GRIA4: variants seen among roughly 807,000 people sequenced by gnomAD.
GRIA4 encodes the protein glutamate ionotropic receptor AMPA type subunit 4.
Under a neutral mutation model 104.0 loss-of-function variants are expected in GRIA4, and 34 were observed. The observed-to-expected ratio is 0.33, with a 90% CI of 0.25 to 0.44. The LOEUF (loss-of-function observed/expected upper bound fraction) is 0.44. Ranked by LOEUF, GRIA4 falls within the 20% of genes least tolerant of loss-of-function variation. GRIA4 has a pLI of 1.00. For synonymous variants in GRIA4, 386 were observed against 381.9 expected, an observed-to-expected ratio of 1.01 and a Z score of -0.13; for missense variants, 750 against 1,096.5, an observed-to-expected ratio of 0.68 and a Z score of 4.46.
chr11:105,725,770 C>A (rs1257828903), intron 3 of GRIA4, among the ~76,000 whole-genome samples: 1 of 152,104 alleles, frequency 6.6e-6, no homozygotes, highest in Non-Finnish European at 1.5e-5. Flanking sequence ...TGAGGCATCA[C>A]CTCACCCGGG....
intron 4 of GRIA4, among the ~76,000 whole-genome samples, chr11:105,776,416 GA>G (rs1941452921): frequency 6.6e-6 from 1 of 151,978 alleles, no homozygotes; most frequent in Admixed American, 6.6e-5. Context: ...TTATTAAGAA[GA>G]AAAAATAGAA....
intron 10 of GRIA4, among the ~76,000 whole-genome samples, chr11:105,910,856 T>C (rs973847512): frequency 4.6e-5 from 7 of 152,258 alleles, no homozygotes; most frequent in Admixed American, 2.0e-4. Context: ...ACAGTGAACA[T>C]GCCAAAGGTC....
chr11:105,778,081 A>ACCC (rs1941533494), intron 4 of GRIA4, among the ~76,000 whole-genome samples: 1 of 152,152 alleles, frequency 6.6e-6, no homozygotes, highest in Non-Finnish European at 1.5e-5. Flanking sequence ...CTGAGATTAA[A>ACCC]CCAAACTGAA....
At chr11:105,974,631 T>C (rs888608519) in intron 16 of GRIA4, 187 bp downstream of exon 16, 2 of 1,399,962 alleles carry the variant, frequency 1.4e-6, no homozygotes, top group South Asian at 2.6e-5. Context: ...GTCTGTCCAG[T>C]GGTGGTATTG....
In GRIA4 at chr11:105,804,023, G is replaced by C. The variant is rs957329603; in HGVS notation, c.487+50803G>C. On this transcript the variant is annotated intron_variant, in intron 4 of 16. Transcript: ENST00000282499. ...GGAATTTGGGCATAGAAAATTAACA[G>C]ACCTGTTCATTTGCTATATATGATT... Among the ~76,000 whole-genome samples the C allele has an allele frequency of 2.6e-5, 4 of 151,754 alleles. No individual in the cohort carries two copies. The South Asian group carries it at 8.3e-4, about 31-fold the overall frequency.
chr11:105,613,748 C>T (rs955597625), intron 3 of GRIA4: 1 of 151,974 alleles, frequency 6.6e-6, no homozygotes, highest in East Asian at 1.9e-4. Context: ...AACTTAGTTT[C>T]ATGAGGAGCT....
intron 4 of GRIA4, among the ~76,000 whole-genome samples, chr11:105,851,110 T>C (rs1944792367): frequency 1.3e-5 from 2 of 152,272 alleles, no homozygotes; most frequent in East Asian, 3.9e-4. Flanking sequence ...TAATACAATA[T>C]TAAAGGTCAT....
intron 4 of GRIA4, among the ~76,000 whole-genome samples, chr11:105,798,803 A>G (rs1942599274): frequency 6.6e-6 from 1 of 152,158 alleles, no homozygotes; most frequent in Admixed American, 6.6e-5. Context: ...CAGAATTGTC[A>G]TTACTGAAAT....
intron 4 of GRIA4, among the ~76,000 whole-genome samples, chr11:105,853,844 G>A (rs1944910045): frequency 6.6e-6 from 1 of 152,124 alleles, no homozygotes; most frequent in South Asian, 2.1e-4. Context: ...ATTAATTTCA[G>A]TAGTCTCCTA....
chr11:105,781,233 A>C (rs191042053), intron 4 of GRIA4, among the ~76,000 whole-genome samples: 1 of 152,234 alleles, frequency 6.6e-6, no homozygotes, highest in African/African-American at 2.4e-5. Context: ...GATGTAATAC[A>C]TGTTTTCCCC....
intron 5 of GRIA4, among the ~76,000 whole-genome samples, chr11:105,867,157 T>C (rs1290265762): frequency 6.6e-6 from 1 of 151,890 alleles, no homozygotes; most frequent in African/African-American, 2.4e-5. Flanking sequence ...TGCAAATCAA[T>C]CAAAAAAGCC....
chr11:105,634,952 G>A (rs1951164694), intron 3 of GRIA4, among the ~76,000 whole-genome samples: 1 of 152,284 alleles, frequency 6.6e-6, no homozygotes, highest in East Asian at 1.9e-4. Flanking sequence ...TGGGAGCGGT[G>A]TTTGAGGATT....
chr11:105,866,855 T>A (rs1022288584), intron 5 of GRIA4, among the ~76,000 whole-genome samples: 2 of 152,088 alleles, frequency 1.3e-5, no homozygotes, highest in Non-Finnish European at 2.9e-5. Flanking sequence ...ATATTGATCC[T>A]AGTACACATC....
chr11:105,866,551 G>GTGTATATA (rs1299256765), intron 5 of GRIA4, among the ~76,000 whole-genome samples: 2,560 of 76,296 alleles, frequency 0.034, 80 homozygotes, highest in East Asian at 0.059. Context: ...GTGTGTGTGT[G>GTGTATATA]TATATATATA....
chr11:105,900,680 C>T (rs1320277889), intron 7 of GRIA4, among the ~76,000 whole-genome samples: 1 of 152,168 alleles, frequency 6.6e-6, no homozygotes, highest in African/African-American at 2.4e-5. Context: ...CTTCCACCTC[C>T]TGCGTTCAAG....
At chr11:105,954,960 C>T (rs979295598) in intron 14 of GRIA4, among the ~76,000 whole-genome samples, 1 of 148,246 alleles carries the variant, frequency 6.7e-6, no homozygotes, top group African/African-American at 2.5e-5. Flanking sequence ...ATATATAATG[C>T]TATATATATA....
intron 4 of GRIA4, among the ~76,000 whole-genome samples, chr11:105,757,317 C>T (rs151273754): frequency 6.6e-6 from 1 of 152,210 alleles, no homozygotes; most frequent in Non-Finnish European, 1.5e-5. Flanking sequence ...CACTGTCCCG[C>T]ATTACAGAGT....
intron 5 of GRIA4, among the ~76,000 whole-genome samples, chr11:105,873,370 C>T (rs1473253922): frequency 1.3e-5 from 2 of 152,104 alleles, no homozygotes; most frequent in Non-Finnish European, 2.9e-5. Context: ...GTGAATAGTG[C>T]TGCAATAAAC....
chr11:105,924,688 C>T lies in GRIA4; in HGVS notation c.1766C>T (p.Pro589Leu), dbSNP rs933890194. Residue 589 changes from proline to leucine, a missense_variant, in exon 12 of 17, where the codon CCT becomes CTT. Coordinates refer to ENST00000282499, the MANE Select transcript of GRIA4 (RefSeq NM_000829.4). ...GGAAAGGAAGGACCCAGCGACCAGC[C>T]TCCCAATGAGTTTGGCATCTTTAAC... ...EDGKEGPSDQPPNEFGIFNSL... is the reference protein window; with the variant it reads ...EDGKEGPSDQLPNEFGIFNSL... 11 of 1,612,662 alleles carry T rather than the reference C, an allele frequency of 6.8e-6. No homozygotes were observed. The highest frequency in any genetic ancestry group is 9.3e-6 in the Non-Finnish European group (11 of 1,179,028).
Sources: gnomAD v4.1 joint callset for allele counts (sites outside exome capture counted in the v4.1 genomes callset) on GRCh38, gnomAD v4.1.1 for gene constraint, MANE v1.5 for transcripts, NCBI Gene and HGNC (gene_info 2026-07-23, HGNC 2026-07-21) for gene names.